Variants in CGAS observed in about 807,000 individuals in gnomAD.
The protein encoded by CGAS is cyclic GMP-AMP synthase.
CGAS carries 31 observed loss-of-function variants against 34.0 expected under a neutral mutation model. The observed-to-expected ratio is 0.91, with a 90% CI of 0.69 to 1.23. The LOEUF (loss-of-function observed/expected upper bound fraction) is 1.23. CGAS is among the 50% of genes most tolerant of loss of function. CGAS has a pLI of 0.00. For synonymous variants in CGAS, 266 were observed against 260.0 expected, an observed-to-expected ratio of 1.02 and a Z score of -0.22; for missense variants, 597 against 657.6, an observed-to-expected ratio of 0.91 and a Z score of 1.01.
rs1460144649 is a variant in CGAS at position 73,451,944 on chromosome 6, G to T, written c.238C>A (p.Arg80Ser). The part of the protein sequence containing the change: ...ERPPVRATGA[R>S]AKKAPQRAQD... ...GCGCGCTGAGGGGCCTTTTTGGCGC[G>T]GGCCCCAGTTGCGCGGACGGGCGGC... Residue 80 changes from arginine to serine, a missense_variant, in exon 1 of 5, where the codon CGC (arginine) becomes AGC (serine). By Grantham distance (110) the Arg-to-Ser change is moderately radical (BLOSUM62 -1). Transcript: ENST00000370315. The T allele has an allele frequency of 3.3e-6, 5 of 1,494,510 alleles. No homozygotes were observed. The highest frequency in any genetic ancestry group is 2.4e-5 in the Admixed American group (1 of 41,420). 92.6% of individuals were successfully genotyped at this position (1,494,510 alleles called of 1,614,324 possible).
At chr6:73,431,282 C>T (rs140187009) in intron 3 of CGAS, among the ~76,000 whole-genome samples, 4,103 of 152,028 alleles carry the variant, frequency 0.027, 196 homozygotes, top group African/African-American at 0.094. Context: ...CCAGCCGGAC[C>T]AACATGGTGA....
At position 73,424,432 on chromosome 6, in the gene CGAS, T is replaced by TAAAAAAAAAAA. The variant is rs763350705; in HGVS notation, c.*784_*794dup. 1 of 131,686 alleles carries TAAAAAAAAAAA rather than the reference T, an allele frequency of 7.6e-6. No homozygotes were observed. 8.2% of individuals were successfully genotyped at this position (131,686 alleles called of 1,614,324 possible). A position where few individuals can be genotyped will look rare whatever the true frequency, so the allele number is the denominator to read the frequency against. On this transcript the variant is annotated 3_prime_UTR_variant, in exon 5 of 5. Coordinates refer to ENST00000370315, the MANE Select transcript of CGAS (RefSeq NM_138441.3). ...CTGGGCGACAGAGCGAGACTCCATCTAAAAAAAAAAAAAAAAAATTATGTA... is the reference window on the plus strand; with the variant it reads ...CTGGGCGACAGAGCGAGACTCCATCTAAAAAAAAAAAAAAAAAAAAAAAAAAAAATTATGTA...
rs778913574 is a variant in CGAS, at chr6:73,425,375, C to G, written c.1421G>C (p.Cys474Ser). Residue 474 changes from cysteine (C) to serine (S), a missense_variant, in exon 5 of 5, where the codon TGC becomes TCC. Around this residue, in one of 3 missense-constraint regions of CGAS, gnomAD observed 271 missense variants for 324.1 expected, o/e 0.84. Transcript: ENST00000370315. ...ATTCTCAAGTTTTTCTGTCCTGAGGCACTGAAGAAAGTATGTCACGCAGTT... is the reference window on the plus strand; with the variant it reads ...ATTCTCAAGTTTTTCTGTCCTGAGGGACTGAAGAAAGTATGTCACGCAGTT... ...FDNCVTYFLQ[C>S]LRTEKLENYF... is the part of the protein sequence containing the mutation. 1.2e-6 allele frequency: 2 copies of G among 1,613,216 alleles called. No homozygotes were observed. Among genetic ancestry groups the G allele is most frequent in the Middle Eastern group, 3.3e-4 (2 of 6,058 alleles).
At chr6:73,431,681 A>T (rs1381404608) in intron 3 of CGAS, among the ~76,000 whole-genome samples, 1 of 152,190 alleles carries the variant, frequency 6.6e-6, no homozygotes, top group Non-Finnish European at 1.5e-5. Context: ...GAGTTAAAAG[A>T]GATTTAACAG....
At chr6:73,442,420 A>G (rs1447707031) in intron 2 of CGAS, among the ~76,000 whole-genome samples, 1 of 133,962 alleles carries the variant, frequency 7.5e-6, no homozygotes, top group African/African-American at 3.2e-5. Context: ...TTTTTTTTTG[A>G]GACAGGGTCC....
intron 4 of CGAS, 48 bp downstream of exon 4, chr6:73,428,661 T>C: frequency 6.4e-7 from 1 of 1,555,132 alleles, no homozygotes; most frequent in Non-Finnish European, 8.8e-7. Context: ...CAACAAATAA[T>C]TAAGCATACC....
Position 73,424,369 on chromosome 6 carries a change from G to A in CGAS, c.*858C>T, listed in dbSNP as rs1770049257. On this transcript the variant is annotated 3_prime_UTR_variant, in exon 5 of 5. Transcript: ENST00000370315. ...GAATGGCATGAACCCAGGAAGCAGA[G>A]CTTGCAGTGAGCCAAGATCATGCCA... is the stretch of plus-strand genomic sequence containing the variant. 1 of 151,506 alleles carries A rather than the reference G, an allele frequency of 6.6e-6. No individual in the cohort carries two copies. The highest frequency in any genetic ancestry group is 6.6e-5 in the Admixed American group (1 of 15,156). 9.4% of individuals were successfully genotyped at this position (151,506 alleles called of 1,614,324 possible).
At chr6:73,425,946 C>T (rs1770079040) in intron 4 of CGAS, among the ~76,000 whole-genome samples, 1 of 151,208 alleles carries the variant, frequency 6.6e-6, no homozygotes, top group Non-Finnish European at 1.5e-5. Context: ...TGCACTCCAG[C>T]CTGGGCAACA....
intron 1 of CGAS, among the ~76,000 whole-genome samples, chr6:73,446,315 G>T (rs1467941678): frequency 2.4e-5 from 3 of 127,392 alleles, no homozygotes; most frequent in Non-Finnish European, 4.8e-5. Context: ...GGGCAACAGA[G>T]CAAGACTCCA....
In CGAS at chr6:73,451,639, C is replaced by G. The variant is rs1007522566; in HGVS notation, c.543G>C (p.Thr181=). 2 of 1,614,040 alleles carry G rather than the reference C, an allele frequency of 1.2e-6. No homozygotes were observed. Among genetic ancestry groups the G allele is most frequent in the African/African-American group, 2.7e-5 (2 of 74,952 alleles). ...KLKLSRDDIS[T]AAGMVKGVVD... The stretch of plus-strand genomic sequence containing the variant: ...CAACCCCTTTCACCATCCCCGCCGC[C>G]GTGGAGATATCATCGCGGCTGAGCT... The change falls in exon 1 of 5, where the codon ACG becomes ACC. Residue 181 remains threonine, a synonymous_variant. Transcript: ENST00000370315.
chr6:73,439,933 T>G, intron 3 of CGAS: 1 of 335,974 alleles, frequency 3.0e-6, no homozygotes, highest in Non-Finnish European at 5.5e-6. Flanking sequence ...CAGGGCAGTC[T>G]GACTCCAAGG....
At chr6:73,433,950 T>C (rs569723309) in intron 3 of CGAS, among the ~76,000 whole-genome samples, 1 of 152,324 alleles carries the variant, frequency 6.6e-6, no homozygotes, top group African/African-American at 2.4e-5. Flanking sequence ...TTCCAAAAAG[T>C]ATTTTGTGGA....
rs548208596 is a variant in CGAS, at chr6:73,429,718, T to C, written c.1115-907A>G. Among the ~76,000 whole-genome samples, 313 of 151,582 alleles carry C rather than the reference T, an allele frequency of 2.1e-3. 3 individuals carry two copies. Among genetic ancestry groups the C allele is most frequent in the African/African-American group, 7.1e-3 (294 of 41,296 alleles). On this transcript the variant is annotated intron_variant, in intron 3 of 4. Coordinates refer to ENST00000370315, the MANE Select transcript of CGAS (RefSeq NM_138441.3). ...GCGGGCGCCTGTAATCCCAGCTACT[T>C]GGGAGGCTGAGGCAGGAGAATGGCG...
Position 73,451,587 on chromosome 6 carries a change from A to G in CGAS, c.595T>C (p.Cys199Arg), listed in dbSNP as rs750324744. Reference protein sequence around the residue: ...VVDHLLLRLKCDSAFRGVGLL... With the variant: ...VVDHLLLRLKRDSAFRGVGLL... ...CCGACGCCTCTGAACGCGGAGTCGC[A>G]CTTCAGTCTGAGCAGCAGGTGGTCC... Residue 199 changes from cysteine (C) to arginine (R), a missense_variant, in exon 1 of 5, where the codon TGC (cysteine) becomes CGC (arginine). Physicochemically the swap from Cys to Arg is radical, Grantham distance 180. Transcript: ENST00000370315. The G allele has an allele frequency of 6.2e-7, 1 of 1,613,452 alleles. No homozygotes were observed. Among genetic ancestry groups the G allele is most frequent in the Admixed American group, 1.7e-5 (1 of 59,920 alleles).
chr6:73,436,722 C>T (rs1770286636), intron 3 of CGAS, among the ~76,000 whole-genome samples: 1 of 151,506 alleles, frequency 6.6e-6, no homozygotes, highest in African/African-American at 2.4e-5. Flanking sequence ...AGGCTTTCAC[C>T]ATGTTGCCCA....
At chr6:73,445,107 T>C (rs527875871) in intron 2 of CGAS, among the ~76,000 whole-genome samples, 1 of 152,208 alleles carries the variant, frequency 6.6e-6, no homozygotes, top group African/African-American at 2.4e-5. Flanking sequence ...AGGATATATT[T>C]GGGCTGCAAG....
At chr6:73,428,670 C>T in intron 4 of CGAS, 39 bp downstream of exon 4, 2 of 1,574,390 alleles carry the variant, frequency 1.3e-6, no homozygotes, top group Non-Finnish European at 1.7e-6. Context: ...ATTAAGCATA[C>T]CATAGATAAT....
intron 2 of CGAS, among the ~76,000 whole-genome samples, chr6:73,443,235 C>CTTTTTTT (rs35135687): frequency 4.8e-5 from 5 of 104,220 alleles, no homozygotes; most frequent in Admixed American, 1.3e-4. Context: ...TTCCCAAACT[C>CTTTTTTT]TTTTTTTTTT....
At chr6:73,433,485 T>G (rs1770226565) in intron 3 of CGAS, among the ~76,000 whole-genome samples, 1 of 132,836 alleles carries the variant, frequency 7.5e-6, no homozygotes, top group South Asian at 2.3e-4. Flanking sequence ...TTATAGAGAG[T>G]TTTTTTTTTT....
Sources: allele counts gnomAD v4.1 joint callset (sites outside exome capture counted in the v4.1 genomes callset), GRCh38; gene constraint gnomAD v4.1.1; regional missense constraint gnomAD v4.1.1; transcripts MANE v1.5; gene names NCBI Gene and HGNC (gene_info 2026-07-23, HGNC 2026-07-21).